The following RANBP17 variants were observed in gnomAD, a reference collection of about 807,000 sequenced individuals.
RANBP17 encodes the protein RAN binding protein 17.
Under a neutral mutation model 141.2 loss-of-function variants are expected in RANBP17, and 158 were observed. That is an observed-to-expected ratio of 1.12 (90% confidence interval 0.98 to 1.28). The LOEUF (loss-of-function observed/expected upper bound fraction) is 1.28. Among genes scored for constraint, RANBP17 ranks in the 50% most tolerant of loss-of-function variants. RANBP17 has a pLI of 0.00. For synonymous variants in RANBP17, 430 were observed against 450.0 expected (o/e 0.96, Z 0.56); for missense variants, 1,438 against 1,290.7 (o/e 1.11, Z -1.75).
intron 14 of RANBP17, among the ~76,000 whole-genome samples, chr5:170,986,054 C>A (rs573249769): frequency 2.0e-5 from 3 of 152,020 alleles, no homozygotes; most frequent in Admixed American, 2.0e-4. Flanking sequence ...TACCATACAT[C>A]CAGATTTGCC....
intron 14 of RANBP17, among the ~76,000 whole-genome samples, chr5:171,095,893 T>C (rs1179168079): frequency 6.6e-6 from 1 of 152,136 alleles, no homozygotes. Flanking sequence ...TAGTGTTGTA[T>C]GTATTTGTAC....
chr5:171,145,696 A>ATGAAAT (rs1164544621), intron 14 of RANBP17, among the ~76,000 whole-genome samples: 1 of 152,210 alleles, frequency 6.6e-6, no homozygotes, highest in Non-Finnish European at 1.5e-5. Context: ...CATAACAGTA[A>ATGAAAT]TGAAATTGTT....
intron 14 of RANBP17, among the ~76,000 whole-genome samples, chr5:171,016,280 C>T (rs1304533563): frequency 6.7e-6 from 1 of 150,058 alleles, no homozygotes; most frequent in Non-Finnish European, 1.5e-5. Flanking sequence ...AGGGTCAATA[C>T]TCCCTGTTAC....
chr5:170,910,924 T>C (rs980491303), intron 6 of RANBP17, 45 bp from the exon 7 acceptor site: 3 of 1,550,668 alleles, frequency 1.9e-6, no homozygotes, highest in Non-Finnish European at 2.7e-6. Flanking sequence ...TGTAAATTTA[T>C]TGATGTATTT....
In RANBP17 at chr5:171,086,448, G is replaced by T. The variant is rs1258828467; in HGVS notation, c.1711-83682G>T. Among the ~76,000 whole-genome samples the T allele has an allele frequency of 8.8e-5, 13 of 147,906 alleles. 1 individual carries two copies. The South Asian group carries it at 2.7e-3, about 31-fold the overall frequency. ...CTCTTTTTGGTTGTGTCTCTGCCAGGCTTTGGTATCAGAATGATGCTGGCC... is the reference window on the plus strand; with the variant it reads ...CTCTTTTTGGTTGTGTCTCTGCCAGTCTTTGGTATCAGAATGATGCTGGCC... On this transcript the variant is annotated intron_variant, in intron 14 of 27. Transcript: ENST00000523189.
intron 18 of RANBP17, among the ~76,000 whole-genome samples, chr5:171,191,642 G>A (rs1176144661): frequency 6.6e-6 from 1 of 151,698 alleles, no homozygotes; most frequent in African/African-American, 2.4e-5. Flanking sequence ...AGCCGAGGTC[G>A]CGTCACTGCA....
chr5:170,986,139 G>C (rs1778125633), intron 14 of RANBP17, among the ~76,000 whole-genome samples: 1 of 152,014 alleles, frequency 6.6e-6, no homozygotes, highest in South Asian at 2.1e-4. Context: ...TCTCAAAAAT[G>C]TCTCTGTTTG....
chr5:171,114,098 T>C (rs1240495966), intron 14 of RANBP17, among the ~76,000 whole-genome samples: 1 of 152,136 alleles, frequency 6.6e-6, no homozygotes, highest in Non-Finnish European at 1.5e-5. Flanking sequence ...ATGGTAAATA[T>C]CAATTGATAG....
chr5:171,199,944 CA>C (rs1002709230), intron 19 of RANBP17, among the ~76,000 whole-genome samples, 171 bp downstream of exon 19: 3 of 152,140 alleles, frequency 2.0e-5, no homozygotes, highest in African/African-American at 7.2e-5. Context: ...GTTTCTTAGA[CA>C]AATGGACTTT....
At chr5:171,200,281 G>A (rs1013152064) in intron 19 of RANBP17, among the ~76,000 whole-genome samples, 2 of 152,170 alleles carry the variant, frequency 1.3e-5, no homozygotes, top group African/African-American at 4.8e-5. Context: ...AAAGTGATTA[G>A]GATAACTGAT....
chr5:170,911,986 C>T (rs1281402597), intron 7 of RANBP17, among the ~76,000 whole-genome samples: 2 of 151,886 alleles, frequency 1.3e-5, no homozygotes, highest in Non-Finnish European at 2.9e-5. Context: ...CTGCCTTTTC[C>T]TCCCTTTTCT....
intron 14 of RANBP17, among the ~76,000 whole-genome samples, chr5:171,130,492 A>G (rs1404168726): frequency 8.4e-6 from 1 of 118,916 alleles, no homozygotes. Context: ...GCTGGAGTGC[A>G]ATGGCATGAT....
chr5:171,037,900 A>G (rs192484722), intron 14 of RANBP17, among the ~76,000 whole-genome samples: 1 of 152,202 alleles, frequency 6.6e-6, no homozygotes, highest in East Asian at 1.9e-4. Flanking sequence ...TGCTTTGGCT[A>G]TTCAGGCTCT....
intron 14 of RANBP17, among the ~76,000 whole-genome samples, chr5:171,073,881 G>A (rs1388848544): frequency 6.6e-6 from 1 of 151,554 alleles, no homozygotes. Flanking sequence ...GCAACAAAAT[G>A]GGATGTTATA....
chr5:170,937,276 T>C (rs1393821573), intron 12 of RANBP17, among the ~76,000 whole-genome samples: 1 of 152,078 alleles, frequency 6.6e-6, no homozygotes, highest in Admixed American at 6.5e-5. Flanking sequence ...CAGTTAGCAC[T>C]GAGGTCAAGT....
At chr5:170,931,238 G>T (rs1027005389) in intron 12 of RANBP17, among the ~76,000 whole-genome samples, 1 of 152,116 alleles carries the variant, frequency 6.6e-6, no homozygotes, top group Admixed American at 6.5e-5. Context: ...CATATCCTTT[G>T]CCCACTTTTT....
intron 14 of RANBP17, among the ~76,000 whole-genome samples, chr5:171,027,363 A>G (rs187897050): frequency 6.6e-6 from 1 of 152,300 alleles, no homozygotes; most frequent in Non-Finnish European, 1.5e-5. Flanking sequence ...GTCATGGAAC[A>G]TCTTATCTCC....
At chr5:170,868,222 A>G (rs932241840) in intron 1 of RANBP17, among the ~76,000 whole-genome samples, 1 of 152,100 alleles carries the variant, frequency 6.6e-6, no homozygotes, top group African/African-American at 2.4e-5. Context: ...CTCCTAGGGT[A>G]TGAAAGTTGG....
intron 26 of RANBP17, among the ~76,000 whole-genome samples, 170 bp downstream of exon 26, chr5:171,294,151 G>T (rs746638351): frequency 2.0e-5 from 3 of 152,118 alleles, no homozygotes; most frequent in Non-Finnish European, 4.4e-5. Flanking sequence ...CTTCCCCAAA[G>T]GCCTCAGATC....
Sources: allele counts gnomAD v4.1 joint callset (sites outside exome capture counted in the v4.1 genomes callset), GRCh38; gene constraint gnomAD v4.1.1; transcripts MANE v1.5; gene names NCBI Gene and HGNC (gene_info 2026-07-23, HGNC 2026-07-21).